The following NCOR2 variants were observed in gnomAD, a reference collection of about 807,000 sequenced individuals.
NCOR2 encodes nuclear receptor corepressor 2.
In NCOR2, 81 loss-of-function variants were observed where a neutral mutation model predicts 262.9. The observed-to-expected ratio is 0.31, with a 90% CI of 0.26 to 0.37. The LOEUF is 0.37. Among genes scored for constraint, NCOR2 ranks in the 10% least tolerant of loss-of-function variants. NCOR2 has a pLI of 1.00. For synonymous variants in NCOR2, 1,659 were observed against 1,559.3 expected, an observed-to-expected ratio of 1.06 and a Z score of -1.51; for missense variants, 3,385 against 3,621.4, an observed-to-expected ratio of 0.93 and a Z score of 1.68.
Position 124,330,846 on chromosome 12 carries a change from T to C in NCOR2, c.6957A>G (p.Thr2319=), listed in dbSNP as rs878953509. The change falls in exon 44 of 47, where the codon ACA becomes ACG. Residue 2319 remains threonine, a splice_region_variant and synonymous_variant. Coordinates refer to ENST00000405201, the Ensembl canonical transcript of NCOR2. ...TATAGCAAGGGCTGGATGGGTTACC[T>C]GTTCCGGTGATGGCGGGCATATTGA... 3 of 1,576,286 alleles carry C rather than the reference T, an allele frequency of 1.9e-6. No homozygotes were observed. In the South Asian group the frequency reaches 3.5e-5, roughly 18 times the overall value.
Position 124,454,410 on chromosome 12 carries a change from A to G in NCOR2, c.762+2696T>C, listed in dbSNP as rs1405920188. On this transcript the variant is annotated intron_variant, in intron 6 of 46. Transcript: ENST00000405201. This position sits in a 1 kb window ranked among gnomAD's most constrained non-coding sequence, Gnocchi z 5.6. ...AGACAACCCCGTCCCCTTGTCTCCA[A>G]AGAACCAGAGAAGACTCACTGTGGG... Among the ~76,000 whole-genome samples, 3 of 152,110 alleles carry G rather than the reference A, an allele frequency of 2.0e-5. No homozygotes were observed. In the East Asian group the frequency reaches 5.8e-4, roughly 29 times the overall value.
chr12:124,405,658 C>T (rs1455154951), intron 13 of NCOR2, among the ~76,000 whole-genome samples: 2 of 152,168 alleles, frequency 1.3e-5, no homozygotes, highest in Non-Finnish European at 2.9e-5. Context: ...AGTGGCCACC[C>T]GGGAGGCCGA....
At chr12:124,552,965 C>T (rs930197656) in intron 1 of NCOR2, among the ~76,000 whole-genome samples, 1 of 152,180 alleles carries the variant, frequency 6.6e-6, no homozygotes, top group Non-Finnish European at 1.5e-5. Context: ...GGATTACAGG[C>T]GTGAGCCACC....
chr12:124,463,087 A>G (rs2046252357), intron 5 of NCOR2, among the ~76,000 whole-genome samples: 1 of 152,138 alleles, frequency 6.6e-6, no homozygotes, highest in South Asian at 2.1e-4. Flanking sequence ...ACTGTTCCCC[A>G]GTGTCCTGAA....
chr12:124,333,547 CCA>C (rs796698920), intron 41 of NCOR2, among the ~76,000 whole-genome samples: 19 of 152,194 alleles, frequency 1.2e-4, no homozygotes, highest in African/African-American at 3.9e-4. Context: ...GGCCCATGGG[CCA>C]CAGTTTATTG....
At chr12:124,475,713 G>A (rs79657232) in intron 3 of NCOR2, among the ~76,000 whole-genome samples, 27 of 152,356 alleles carry the variant, frequency 1.8e-4, no homozygotes, top group African/African-American at 4.6e-4. Context: ...CCACGTAACC[G>A]TCATAACCAC....
At chr12:124,473,744 T>C (rs138720911) in intron 3 of NCOR2, among the ~76,000 whole-genome samples, 1 of 152,014 alleles carries the variant, frequency 6.6e-6, no homozygotes, top group Admixed American at 6.6e-5. Flanking sequence ...GAACTGTGAG[T>C]ACAATTAAAC....
intron 24 of NCOR2, 171 bp from the exon 27 acceptor site, chr12:124,355,110 CCT>C (rs1257309451): frequency 1.4e-5 from 9 of 637,604 alleles, no homozygotes; most frequent in Non-Finnish European, 2.4e-5. Context: ...GGCCCCCTCC[CCT>C]GTGAAGGGGC....
At chr12:124,493,438 T>C (rs541153705) in intron 1 of NCOR2, among the ~76,000 whole-genome samples, 1 of 152,332 alleles carries the variant, frequency 6.6e-6, no homozygotes, top group East Asian at 1.9e-4. Context: ...ACATTCGGCA[T>C]ATCCCCTTTA....
chr12:124,325,382 C>CCA (rs1555297246), exon 47 of NCOR2: 14 of 412,908 alleles, frequency 3.4e-5, no homozygotes, highest in Middle Eastern at 7.6e-4. Flanking sequence ...ACACCGCCCC[C>CCA]CCCCCCGCCC....
chr12:124,368,357 C>A (rs999785041), intron 20 of NCOR2, among the ~76,000 whole-genome samples: 24 of 152,192 alleles, frequency 1.6e-4, no homozygotes, highest in Admixed American at 9.2e-4. Flanking sequence ...CCCCTCTCCA[C>A]CCAGCCCTTG....
intron 40 of NCOR2, 40 bp from the exon 43 acceptor site, chr12:124,334,657 T>A: frequency 2.3e-6 from 2 of 856,052 alleles, no homozygotes; most frequent in Non-Finnish European, 3.2e-6. Context: ...GGCAGCACTC[T>A]CCTGACAGAA....
Position 124,378,100 on chromosome 12 carries a change from A to G in NCOR2, c.2167+137T>C, listed in dbSNP as rs2040160576. On this transcript the variant is annotated intron_variant, in intron 18 of 46. Coordinates refer to ENST00000405201, the Ensembl canonical transcript of NCOR2. This position sits in a 1 kb window ranked among gnomAD's most constrained non-coding sequence, Gnocchi z 4.2. ...CTGGCAAGTCAGGCCCGCACCTTCC[A>G]GGGAGTCGAGGCCCCTTCTAAGGAG... 3 of 1,490,864 alleles carry G rather than the reference A, an allele frequency of 2.0e-6. No homozygotes were observed. Among genetic ancestry groups the G allele is most frequent in the Non-Finnish European group, 2.7e-6 (3 of 1,122,266 alleles). 92.4% of individuals were successfully genotyped at this position (1,490,864 alleles called of 1,614,324 possible). A position where few individuals can be genotyped will look rare whatever the true frequency, so the allele number is the denominator to read the frequency against.
At chr12:124,400,807 G>T in intron 14 of NCOR2, 134 bp from the exon 17 acceptor site, 2 of 1,173,372 alleles carry the variant, frequency 1.7e-6, no homozygotes, top group South Asian at 1.5e-5. Context: ...TAGGAAAGAG[G>T]GGGAGAGGCC....
At chr12:124,408,147 A>T (rs1384779230) in intron 13 of NCOR2, among the ~76,000 whole-genome samples, 1 of 152,024 alleles carries the variant, frequency 6.6e-6, no homozygotes, top group East Asian at 1.9e-4. Flanking sequence ...GAGGTCAGGA[A>T]ATCGAGACCA....
intron 1 of NCOR2, among the ~76,000 whole-genome samples, chr12:124,529,179 CAAAAAAAAAAA>C (rs148397454): frequency 1.7e-4 from 9 of 52,182 alleles, no homozygotes; most frequent in Admixed American, 1.1e-3. Flanking sequence ...AACTCCGACT[CAAAAAAAAAAA>C]AAAAAAAAAA....
intron 5 of NCOR2, among the ~76,000 whole-genome samples, chr12:124,458,329 C>T (rs1024954715): frequency 3.9e-5 from 6 of 152,162 alleles, no homozygotes; most frequent in African/African-American, 1.4e-4. Flanking sequence ...GAGAGGAGGG[C>T]GTGGCAGGCC....
intron 16 of NCOR2, among the ~76,000 whole-genome samples, chr12:124,386,895 C>T (rs1429119866): frequency 1.3e-5 from 2 of 152,368 alleles, no homozygotes; most frequent in South Asian, 2.1e-4. Context: ...CCAGCCAGTC[C>T]ATGCAGGTAG....
exon 13 of NCOR2, chr12:124,420,022 T>C: frequency 1.2e-6 from 2 of 1,613,720 alleles, no homozygotes; most frequent in Non-Finnish European, 8.5e-7. Context: ...TTCTTCTTAG[T>C]CAGGTAGTAA....
Sources: allele counts gnomAD v4.1 joint callset (sites outside exome capture counted in the v4.1 genomes callset), GRCh38; gene constraint gnomAD v4.1.1; non-coding constraint Gnocchi (gnomAD v3.1); transcripts MANE v1.5; gene names NCBI Gene and HGNC (gene_info 2026-07-23, HGNC 2026-07-21).